KCNK3: variants seen among roughly 807,000 people sequenced by gnomAD.
The protein encoded by KCNK3 is potassium two pore domain channel subfamily K member 3, also known as potassium channel subfamily K member 3.
A neutral mutation model predicts 27.3 loss-of-function variants in KCNK3; 9 were observed. The observed-to-expected ratio is 0.33, with a 90% CI of 0.20 to 0.57. KCNK3 has a LOEUF of 0.57. Among genes scored for constraint, KCNK3 ranks in the 20% least tolerant of loss-of-function variants. KCNK3 has a pLI of 0.87. For missense variants in KCNK3, 391 were observed against 577.7 expected (o/e 0.68, Z 3.31); for synonymous variants, 278 against 273.8 (o/e 1.02, Z -0.15).
intron 1 of KCNK3, among the ~76,000 whole-genome samples, chr2:26,700,730 C>CCATCATCAT (rs71401503): frequency 2.0e-4 from 30 of 150,670 alleles, no homozygotes; most frequent in Admixed American, 6.6e-4. Context: ...ATCATCATCA[C>CCATCATCAT]CATCATCATC....
chr2:26,719,695 C>T (rs1444127828), intron 1 of KCNK3, among the ~76,000 whole-genome samples: 2 of 152,148 alleles, frequency 1.3e-5, no homozygotes, highest in Non-Finnish European at 2.9e-5. Flanking sequence ...GGTCAGGGAC[C>T]TCATCAATAG....
chr2:26,731,513 G>C lies in KCNK3; in HGVS notation c.*2945G>C, dbSNP rs916658027. 1 of 152,470 alleles carries C rather than the reference G, an allele frequency of 6.6e-6. No individual in the cohort carries two copies. The highest frequency in any genetic ancestry group is 1.5e-5 in the Non-Finnish European group (1 of 68,266). 9.4% of individuals were successfully genotyped at this position (152,470 alleles called of 1,614,324 possible). On this transcript the variant is annotated 3_prime_UTR_variant, in exon 2 of 2. Coordinates refer to ENST00000302909, the MANE Select transcript of KCNK3 (RefSeq NM_002246.3). Reference sequence around the variant, plus strand: ...GAATCGCTTGAACCCGGGAGGCGGAGGTTGCAGTGAGCTGAGATCGTGCCA... The same window carrying C: ...GAATCGCTTGAACCCGGGAGGCGGACGTTGCAGTGAGCTGAGATCGTGCCA...
At chr2:26,725,432 C>T (rs1243807307) in intron 1 of KCNK3, among the ~76,000 whole-genome samples, 2 of 152,190 alleles carry the variant, frequency 1.3e-5, no homozygotes, top group African/African-American at 4.8e-5. Context: ...ACAGCTATCA[C>T]GTGGCCAAGC....
intron 1 of KCNK3, among the ~76,000 whole-genome samples, chr2:26,701,199 T>C (rs1248541368): frequency 2.0e-5 from 3 of 152,174 alleles, no homozygotes; most frequent in African/African-American, 7.2e-5. Context: ...AAAAAGAACG[T>C]CTGCAGCTGG....
intron 1 of KCNK3, among the ~76,000 whole-genome samples, chr2:26,725,361 C>T (rs551167158): frequency 3.9e-4 from 59 of 152,278 alleles, no homozygotes; most frequent in Admixed American, 1.7e-3. Context: ...CTAGCTCAAT[C>T]TTCCAGAGTG....
chr2:26,728,770 T>A lies in KCNK3; in HGVS notation c.*202T>A, dbSNP rs1663482187. On this transcript the variant is annotated 3_prime_UTR_variant, in exon 2 of 2. Coordinates refer to ENST00000302909, the MANE Select transcript of KCNK3 (RefSeq NM_002246.3). ...GCTCTGAGGACCCCTGGGGCCCCCA[T>A]CGGAGCCCTGCAAATTCCGAGAAAT... The A allele has an allele frequency of 2.4e-6, 1 of 421,360 alleles. No individual in the cohort carries two copies. 26.1% of individuals were successfully genotyped at this position (421,360 alleles called of 1,614,324 possible). A position where few individuals can be genotyped will look rare whatever the true frequency, so the allele number is the denominator to read the frequency against.
rs1663455906 is a variant in KCNK3 at position 26,727,998 on chromosome 2, C to T, written c.615C>T (p.Tyr205=). The T allele has an allele frequency of 1.2e-6, 2 of 1,614,274 alleles. No homozygotes were observed. Among genetic ancestry groups the T allele is most frequent in the Non-Finnish European group, 1.7e-6 (2 of 1,180,050 alleles). Residue 205 remains tyrosine, a synonymous_variant, in exon 2 of 2, where the codon TAC becomes TAT. Transcript: ENST00000302909. ...ITLTTIGFGD[Y]VALQKDQALQ... is the part of the protein sequence containing the mutation. ...TCACCACCATCGGCTTCGGCGACTA[C>T]GTGGCGCTGCAGAAGGACCAGGCCC... is the stretch of plus-strand genomic sequence containing the variant.
chr2:26,712,254 G>A (rs1174605971), intron 1 of KCNK3, among the ~76,000 whole-genome samples: 2 of 152,232 alleles, frequency 1.3e-5, no homozygotes, highest in Non-Finnish European at 2.9e-5. Flanking sequence ...GTAAAGGGCA[G>A]TGTCCCCGAG....
At chr2:26,702,838 G>A (rs565843124) in intron 1 of KCNK3, among the ~76,000 whole-genome samples, 2 of 152,136 alleles carry the variant, frequency 1.3e-5, no homozygotes, top group Admixed American at 6.5e-5. Flanking sequence ...AGGCTGGGTC[G>A]GGCGTGGTGG....
intron 1 of KCNK3, among the ~76,000 whole-genome samples, chr2:26,700,882 C>T (rs1474509628): frequency 2.0e-5 from 3 of 152,180 alleles, no homozygotes; most frequent in Non-Finnish European, 2.9e-5. Context: ...TCAGTCCTCC[C>T]ATCTGTATAG....
At chr2:26,700,024 G>T (rs746107701) in intron 1 of KCNK3, among the ~76,000 whole-genome samples, 4 of 152,232 alleles carry the variant, frequency 2.6e-5, no homozygotes, top group Admixed American at 6.5e-5. Context: ...CAGGGTCTAT[G>T]CAGGGTGCTC....
rs969157808 is a variant in KCNK3 at position 26,728,519 on chromosome 2, A to G, written c.1136A>G (p.His379Arg). The G allele has an allele frequency of 2.0e-6, 3 of 1,495,322 alleles. No individual in the cohort carries two copies. In the Middle Eastern group the frequency reaches 5.6e-4, roughly 280 times the overall value. The allele number at this position is 1,495,322 out of a possible 1,614,324, so 92.6% of individuals were successfully genotyped here. A position where few individuals can be genotyped will look rare whatever the true frequency, so the allele number is the denominator to read the frequency against. ...ATCAGCTCGGTGTCCACGGGTCTGCACAGCCTGTCCACCTTCCGCGGCCTC... is the reference window on the plus strand; with the variant it reads ...ATCAGCTCGGTGTCCACGGGTCTGCGCAGCCTGTCCACCTTCCGCGGCCTC... ...SAISSVSTGL[H>R]SLSTFRGLMK... Residue 379 changes from histidine to arginine, a missense_variant, in exon 2 of 2, where the codon CAC becomes CGC. Transcript: ENST00000302909.
chr2:26,722,969 T>A (rs1036514897), intron 1 of KCNK3, among the ~76,000 whole-genome samples: 3 of 152,232 alleles, frequency 2.0e-5, no homozygotes, highest in Non-Finnish European at 4.4e-5. Context: ...GACACAAAGC[T>A]GTCTTTGATC....
chr2:26,715,619 T>TGGCATGGGAGACTCAGGCAGGGACAC (rs1663215617), intron 1 of KCNK3, among the ~76,000 whole-genome samples: 1 of 152,222 alleles, frequency 6.6e-6, no homozygotes. Context: ...TGGCTTGTCT[T>TGGCATGGGAGACTCAGGCAGGGACAC]GGCATGGGAG....
chr2:26,715,121 G>A (rs1572610080), intron 1 of KCNK3, among the ~76,000 whole-genome samples: 1 of 152,240 alleles, frequency 6.6e-6, no homozygotes, highest in African/African-American at 2.4e-5. Context: ...GACTGGACAA[G>A]GTGACCGGCC....
In KCNK3 at chr2:26,728,451, G is replaced by C. The variant is rs112204193; in HGVS notation, c.1068G>C (p.Thr356=). The C allele has an allele frequency of 6.3e-7, 1 of 1,579,948 alleles. No individual in the cohort carries two copies. The highest frequency in any genetic ancestry group is 1.4e-5 in the African/African-American group (1 of 73,786). Residue 356 remains threonine, a synonymous_variant, in exon 2 of 2, where the codon ACG becomes ACC. Coordinates refer to ENST00000302909, the MANE Select transcript of KCNK3 (RefSeq NM_002246.3). Reference sequence around the variant, plus strand: ...GAGGGGGCGGCCGCTACAGCGACACGCCCTCGCGACGCTGCCTGTGCAGCG... The same window carrying C: ...GAGGGGGCGGCCGCTACAGCGACACCCCCTCGCGACGCTGCCTGTGCAGCG... The part of the protein sequence containing the change: ...SPGGGGRYSD[T]PSRRCLCSGA...
chr2:26,716,816 G>A (rs1272669268), intron 1 of KCNK3, among the ~76,000 whole-genome samples: 1 of 152,216 alleles, frequency 6.6e-6, no homozygotes, highest in East Asian at 1.9e-4. Flanking sequence ...TTTGAAGGTA[G>A]GAAAAATTGA....
At chr2:26,697,871 T>C (rs1227577978) in intron 1 of KCNK3, among the ~76,000 whole-genome samples, 1 of 152,062 alleles carries the variant, frequency 6.6e-6, no homozygotes, top group Non-Finnish European at 1.5e-5. Context: ...CTCAAGCAGG[T>C]GATTCATGAG....
intron 1 of KCNK3, among the ~76,000 whole-genome samples, chr2:26,716,431 G>C (rs1663232972): frequency 6.6e-6 from 1 of 152,202 alleles, no homozygotes; most frequent in African/African-American, 2.4e-5. Flanking sequence ...GCTGGTTGGA[G>C]TGGAGAAATG....
Sources: allele counts gnomAD v4.1 joint callset (sites outside exome capture counted in the v4.1 genomes callset), GRCh38; gene constraint gnomAD v4.1.1; transcripts MANE v1.5; gene names NCBI Gene and HGNC (gene_info 2026-07-23, HGNC 2026-07-21).